FBXW7: variants seen among roughly 807,000 people sequenced by gnomAD.
The protein encoded by FBXW7 is F-box and WD repeat domain containing 7, also known as F-box/WD repeat-containing protein 7.
A neutral mutation model predicts 86.3 loss-of-function variants in FBXW7; 11 were observed. The ratio of observed to expected loss-of-function variants is 0.13; its 90% CI spans 0.08 to 0.21. FBXW7 has a LOEUF of 0.21. Ranked by LOEUF, FBXW7 falls within the 10% of genes least tolerant of loss-of-function variation. The pLI, the probability that FBXW7 is intolerant of heterozygous loss-of-function variation, is 1.00. For synonymous variants in FBXW7, 313 were observed against 297.9 expected (o/e 1.05, Z -0.52); for missense variants, 488 against 847.4 (o/e 0.58, Z 5.27).
intron 4 of FBXW7, among the ~76,000 whole-genome samples, chr4:152,352,154 A>T (rs1166812527): frequency 6.6e-6 from 1 of 152,178 alleles, no homozygotes; most frequent in East Asian, 1.9e-4. Flanking sequence ...TGAAGGCAAA[A>T]GGTTCACTAA....
chr4:152,525,133 TAAAGA>T (rs549551858), intron 2 of FBXW7, among the ~76,000 whole-genome samples: 149 of 152,264 alleles, frequency 9.8e-4, no homozygotes, highest in African/African-American at 3.3e-3. Context: ...TCGTTACCAA[TAAAGA>T]AAAGTATTTA....
At chr4:152,522,702 C>T (rs549313002) in intron 2 of FBXW7, among the ~76,000 whole-genome samples, 2 of 152,282 alleles carry the variant, frequency 1.3e-5, no homozygotes, top group South Asian at 2.1e-4. Flanking sequence ...CCCCTGGGGA[C>T]CCTGTTATAG....
At chr4:152,354,422 G>A (rs1443759172) in intron 4 of FBXW7, among the ~76,000 whole-genome samples, 1 of 151,980 alleles carries the variant, frequency 6.6e-6, no homozygotes. Context: ...TAGGAAAGGG[G>A]GAAAAAAGGT....
intron 2 of FBXW7, among the ~76,000 whole-genome samples, chr4:152,510,298 CT>C (rs1017979353): frequency 2.6e-5 from 4 of 152,130 alleles, no homozygotes; most frequent in Admixed American, 1.3e-4. Flanking sequence ...ATCTGTACTA[CT>C]AAATTTTGGA....
At chr4:152,361,780 C>CAAG (rs1451488855) in intron 4 of FBXW7, among the ~76,000 whole-genome samples, 2 of 151,700 alleles carry the variant, frequency 1.3e-5, no homozygotes, top group Non-Finnish European at 2.9e-5. Flanking sequence ...CCAGCCTGGC[C>CAAG]AAGAGTGAAA....
At chr4:152,523,978 A>G (rs1032646550) in intron 2 of FBXW7, among the ~76,000 whole-genome samples, 2 of 152,240 alleles carry the variant, frequency 1.3e-5, no homozygotes, top group Non-Finnish European at 2.9e-5. Flanking sequence ...TAACACGTTC[A>G]GGAGCAAAGA....
intron 4 of FBXW7, among the ~76,000 whole-genome samples, chr4:152,391,992 T>C (rs564841248): frequency 6.6e-6 from 1 of 152,138 alleles, no homozygotes; most frequent in Admixed American, 6.6e-5. Flanking sequence ...TCTAGATAAC[T>C]GAAATAAAGT....
chr4:152,407,991 A>G (rs1737577194), intron 4 of FBXW7, among the ~76,000 whole-genome samples: 1 of 152,140 alleles, frequency 6.6e-6, no homozygotes, highest in Non-Finnish European at 1.5e-5. Flanking sequence ...ACACCTGGCT[A>G]TCTTTTATAT....
At position 152,388,105 on chromosome 4, in the gene FBXW7, C is replaced by T. The variant is rs1735700275; in HGVS notation, c.501+23198G>A. ...AAATGTTTTTATAAGATTAAAATCACATTTAAAATGATTACTAAAAATGTT... is the reference window on the plus strand; with the variant it reads ...AAATGTTTTTATAAGATTAAAATCATATTTAAAATGATTACTAAAAATGTT... On this transcript the variant is annotated intron_variant, in intron 4 of 13. Transcript: ENST00000281708. 2.6e-5 allele frequency among the ~76,000 whole-genome samples: 4 copies of T among 152,066 alleles called. No individual in the cohort carries two copies. The South Asian group carries it at 8.3e-4, about 31-fold the overall frequency.
intron 2 of FBXW7, among the ~76,000 whole-genome samples, chr4:152,518,271 G>A (rs1194316839): frequency 2.0e-5 from 3 of 152,038 alleles, no homozygotes; most frequent in African/African-American, 7.3e-5. Flanking sequence ...TTACAGCCAT[G>A]AGCCACTGCA....
At chr4:152,343,658 C>T (rs923312306) in intron 6 of FBXW7, among the ~76,000 whole-genome samples, 2 of 151,894 alleles carry the variant, frequency 1.3e-5, no homozygotes, top group Non-Finnish European at 2.9e-5. Flanking sequence ...AATGTCTTTA[C>T]CCAGTCTGAA....
chr4:152,527,576 CT>C (rs966309905), intron 2 of FBXW7, among the ~76,000 whole-genome samples: 2 of 152,110 alleles, frequency 1.3e-5, no homozygotes, highest in African/African-American at 4.8e-5. Context: ...GAGAACCAGC[CT>C]GGGCAATATA....
chr4:152,454,770 T>A (rs936085108), intron 2 of FBXW7, among the ~76,000 whole-genome samples: 5 of 152,088 alleles, frequency 3.3e-5, no homozygotes, highest in Non-Finnish European at 5.9e-5. Context: ...GAAAAAGATA[T>A]GGAAGATAAG....
At chr4:152,400,209 G>A (rs1178462876) in intron 4 of FBXW7, among the ~76,000 whole-genome samples, 3 of 152,118 alleles carry the variant, frequency 2.0e-5, no homozygotes, top group Non-Finnish European at 4.4e-5. Context: ...TCCGCAAATG[G>A]TGCTGAACCA....
chr4:152,513,602 C>T (rs1748191570), intron 2 of FBXW7, among the ~76,000 whole-genome samples: 1 of 152,176 alleles, frequency 6.6e-6, no homozygotes, highest in Admixed American at 6.5e-5. Context: ...AGAGGAAATT[C>T]AATAAAGTTT....
At chr4:152,452,531 T>C (rs770822316) in intron 2 of FBXW7, among the ~76,000 whole-genome samples, 13 of 152,218 alleles carry the variant, frequency 8.5e-5, no homozygotes, top group African/African-American at 3.1e-4. Flanking sequence ...TGTCTCAGAA[T>C]AGTGTTCAAT....
At chr4:152,410,986 C>T (rs1419613507) in intron 4 of FBXW7, among the ~76,000 whole-genome samples, 1 of 152,084 alleles carries the variant, frequency 6.6e-6, no homozygotes, top group East Asian at 1.9e-4. Context: ...TCATGTTTCA[C>T]CCGAAACCTC....
At chr4:152,384,753 T>C (rs988912662) in intron 4 of FBXW7, among the ~76,000 whole-genome samples, 1 of 151,716 alleles carries the variant, frequency 6.6e-6, no homozygotes, top group Non-Finnish European at 1.5e-5. Context: ...GGAATAATCA[T>C]CACCAAAAAA....
intron 2 of FBXW7, among the ~76,000 whole-genome samples, chr4:152,434,955 C>T (rs1291786459): frequency 8.9e-6 from 1 of 112,338 alleles, no homozygotes; most frequent in African/African-American, 5.1e-5. Flanking sequence ...CCTTTCCCCC[C>T]GCTCCCCCCC....
Sources: gnomAD v4.1 joint callset for allele counts (sites outside exome capture counted in the v4.1 genomes callset) on GRCh38, gnomAD v4.1.1 for gene constraint, MANE v1.5 for transcripts, NCBI Gene and HGNC (gene_info 2026-07-23, HGNC 2026-07-21) for gene names.